Variants in GNG2 observed in about 807,000 individuals in gnomAD.
The protein encoded by GNG2 is G protein subunit gamma 2, also known as guanine nucleotide-binding protein G(I)/G(S)/G(O) subunit gamma-2.
Under a neutral mutation model 5.5 loss-of-function variants are expected in GNG2, and 5 were observed. The ratio of observed to expected loss-of-function variants is 0.91; its 90% CI spans 0.48 to 1.92. The LOEUF is 1.92. GNG2 is among the 30% of genes most tolerant of loss of function. The pLI, the probability that GNG2 is intolerant of heterozygous loss-of-function variation, is 0.01. For synonymous variants in GNG2, 28 were observed against 32.0 expected (o/e 0.88, Z 0.42); for missense variants, 55 against 88.4 (o/e 0.62, Z 1.52).
intron 1 of GNG2, among the ~76,000 whole-genome samples, chr14:51,865,525 T>TG (rs1286702321): frequency 1.3e-5 from 2 of 152,180 alleles, no homozygotes; most frequent in East Asian, 1.9e-4. Flanking sequence ...AAAAATGATC[T>TG]GGGGGGTGAC....
At chr14:51,923,530 T>C (rs974418103) in intron 2 of GNG2, among the ~76,000 whole-genome samples, 16 of 141,960 alleles carry the variant, frequency 1.1e-4, no homozygotes, top group African/African-American at 4.1e-4. Context: ...TATGTGTATA[T>C]ATATACACAT....
intron 2 of GNG2, among the ~76,000 whole-genome samples, chr14:51,925,705 A>G (rs1887269903): frequency 6.6e-6 from 1 of 152,088 alleles, no homozygotes; most frequent in African/African-American, 2.4e-5. Context: ...TCCGCCTCCC[A>G]GGTTCAAGTG....
intron 3 of GNG2, among the ~76,000 whole-genome samples, chr14:51,958,938 C>T (rs1889436215): frequency 6.6e-6 from 1 of 152,196 alleles, no homozygotes; most frequent in South Asian, 2.1e-4. Flanking sequence ...ATCAAGATCA[C>T]CAATGACTCC....
intron 2 of GNG2, among the ~76,000 whole-genome samples, chr14:51,933,641 T>G (rs1887789912): frequency 6.6e-6 from 1 of 151,784 alleles, no homozygotes; most frequent in African/African-American, 2.4e-5. Context: ...CTTTGGTGAG[T>G]GAAAGAAAAT....
chr14:51,834,038 C>T (rs1445551129), intron 2 of GNG2, among the ~76,000 whole-genome samples: 1 of 152,164 alleles, frequency 6.6e-6, no homozygotes, highest in Non-Finnish European at 1.5e-5. Flanking sequence ...GGCCCCTGCT[C>T]TCTGGACAAT....
intron 2 of GNG2, among the ~76,000 whole-genome samples, chr14:51,908,163 C>T (rs1370096675): frequency 1.3e-5 from 2 of 152,212 alleles, no homozygotes; most frequent in Non-Finnish European, 2.9e-5. Flanking sequence ...GTTCTAAGCT[C>T]ATTCATATGG....
chr14:51,829,616 C>T (rs541006880), intron 2 of GNG2, among the ~76,000 whole-genome samples: 4 of 152,250 alleles, frequency 2.6e-5, no homozygotes, highest in African/African-American at 9.6e-5. Context: ...GACCCATTCC[C>T]TTGCTCTCTT....
rs527857333 is a variant in GNG2 at position 51,931,684 on chromosome 14, GA to G, written c.-29-18959del. On this transcript the variant is annotated intron_variant, in intron 2 of 3. Transcript: ENST00000556766. ...AAAGCAAGACAAGAATCCAAAAACAGAAAAAAATACCAAGTATTGGTGAGGA... is the reference window on the plus strand; with the variant it reads ...AAAGCAAGACAAGAATCCAAAAACAGAAAAAATACCAAGTATTGGTGAGGA... Among the ~76,000 whole-genome samples, 30 of 152,138 alleles carry G rather than the reference GA, an allele frequency of 2.0e-4. No individual in the cohort carries two copies. In the South Asian group the frequency reaches 2.9e-3, roughly 15 times the overall value.
chr14:51,957,904 A>C (rs1467816630), intron 3 of GNG2, among the ~76,000 whole-genome samples: 1 of 152,226 alleles, frequency 6.6e-6, no homozygotes, highest in African/African-American at 2.4e-5. Flanking sequence ...AATATCATAG[A>C]ACTAATGGAG....
chr14:51,866,529 A>G lies in GNG2; in HGVS notation c.-71+5739A>G, dbSNP rs562304683. On this transcript the variant is annotated intron_variant, in intron 1 of 3. Transcript: ENST00000556766. ...ATTTTAGATCATTTGAATTGCTGTC[A>G]CAAATTACCAAAGATGAGGTAACCC... Among the ~76,000 whole-genome samples, 6 of 152,296 alleles carry G rather than the reference A, an allele frequency of 3.9e-5. 1 individual carries two copies. In the South Asian group the frequency reaches 1.2e-3, roughly 32 times the overall value.
chr14:51,844,067 C>G (rs922023394), intron 2 of GNG2, among the ~76,000 whole-genome samples: 1 of 152,236 alleles, frequency 6.6e-6, no homozygotes, highest in Non-Finnish European at 1.5e-5. Context: ...TCAGTTCGCT[C>G]TGCTCCTTCC....
intron 2 of GNG2, chr14:51,939,820 A>G (rs1424015541): frequency 2.0e-5 from 3 of 152,240 alleles, no homozygotes; most frequent in Non-Finnish European, 4.4e-5. Context: ...ACGGCCAAAT[A>G]TACCATAGAC....
chr14:51,921,538 C>T (rs1312000869), intron 2 of GNG2, among the ~76,000 whole-genome samples: 2 of 152,116 alleles, frequency 1.3e-5, no homozygotes, highest in Non-Finnish European at 2.9e-5. Flanking sequence ...GGAAGAAGGC[C>T]CAAACCATAG....
intron 2 of GNG2, among the ~76,000 whole-genome samples, chr14:51,939,578 C>T (rs1039295933): frequency 9.9e-5 from 15 of 152,164 alleles, no homozygotes; most frequent in Non-Finnish European, 1.9e-4. Flanking sequence ...GGAAGAAATA[C>T]GTTGTTTTGT....
At chr14:51,884,359 A>G (rs948611059) in intron 2 of GNG2, among the ~76,000 whole-genome samples, 1 of 152,184 alleles carries the variant, frequency 6.6e-6, no homozygotes, top group African/African-American at 2.4e-5. Context: ...AATAAACCTT[A>G]ATGTAGTTCT....
chr14:51,907,356 A>G (rs1885998475), intron 2 of GNG2, among the ~76,000 whole-genome samples: 1 of 152,228 alleles, frequency 6.6e-6, no homozygotes, highest in Non-Finnish European at 1.5e-5. Flanking sequence ...CTATTTGAAC[A>G]GATATTTATG....
At chr14:51,872,983 G>T in intron 1 of GNG2, among the ~76,000 whole-genome samples, 1 of 151,940 alleles carries the variant, frequency 6.6e-6, no homozygotes, top group South Asian at 2.1e-4. Flanking sequence ...TATTTCATTT[G>T]GGTCTCTAAA....
At chr14:51,884,568 G>A (rs1884314790) in intron 2 of GNG2, among the ~76,000 whole-genome samples, 1 of 152,174 alleles carries the variant, frequency 6.6e-6, no homozygotes, top group Non-Finnish European at 1.5e-5. Context: ...CATGGTAACT[G>A]TGAGGAAGAG....
chr14:51,862,110 T>A (rs1367776223), intron 1 of GNG2, among the ~76,000 whole-genome samples: 1 of 152,198 alleles, frequency 6.6e-6, no homozygotes, highest in African/African-American at 2.4e-5. Flanking sequence ...CTATTTTTAA[T>A]GCTATCTTTA....
Sources: gnomAD v4.1 joint callset for allele counts (sites outside exome capture counted in the v4.1 genomes callset) on GRCh38, gnomAD v4.1.1 for gene constraint, MANE v1.5 for transcripts, NCBI Gene and HGNC (gene_info 2026-07-23, HGNC 2026-07-21) for gene names.